The following ADARB2 variants were observed in gnomAD, a reference collection of about 807,000 sequenced individuals.
ADARB2 encodes adenosine deaminase RNA specific B2 (inactive).
In ADARB2, 25 loss-of-function variants were observed where a neutral mutation model predicts 62.2. The observed-to-expected ratio is 0.40, with a 90% confidence interval of 0.29 to 0.56. The LOEUF (loss-of-function observed/expected upper bound fraction) is 0.56, where lower values mean the gene tolerates loss of function less well. ADARB2 is among the 20% of genes least tolerant of loss of function. The pLI is 0.43. For synonymous variants in ADARB2, 572 were observed against 500.8 expected (o/e 1.14, Z -1.90); for missense variants, 1,071 against 1,077.4 (o/e 0.99, Z 0.08).
At chr10:1,280,757 C>T (rs1002605676) in intron 3 of ADARB2, among the ~76,000 whole-genome samples, 2 of 151,284 alleles carry the variant, frequency 1.3e-5, no homozygotes, top group Non-Finnish European at 3.0e-5. Flanking sequence ...CCGTGAAATT[C>T]CTAAGTGACG....
intron 1 of ADARB2, among the ~76,000 whole-genome samples, chr10:1,672,199 G>C (rs150743192): frequency 2.0e-5 from 3 of 152,208 alleles, no homozygotes; most frequent in African/African-American, 4.8e-5. Flanking sequence ...CTGTCTCCAC[G>C]GGCACTGCCA....
At chr10:1,265,895 G>C (rs1385720960) in intron 4 of ADARB2, among the ~76,000 whole-genome samples, 42 of 58,100 alleles carry the variant, frequency 7.2e-4, no homozygotes, top group African/African-American at 1.2e-3. Flanking sequence ...GGGGCCCAGG[G>C]TCCCCCGGAA....
chr10:1,505,737 C>T (rs577576596), intron 1 of ADARB2, among the ~76,000 whole-genome samples: 1 of 150,100 alleles, frequency 6.7e-6, no homozygotes, highest in Non-Finnish European at 1.5e-5. Flanking sequence ...TTCTGCCACT[C>T]CCGTCCCCAC....
intron 1 of ADARB2, among the ~76,000 whole-genome samples, chr10:1,662,605 G>A (rs998914829): frequency 9.2e-5 from 14 of 152,196 alleles, no homozygotes; most frequent in Admixed American, 7.2e-4. Context: ...ACTAGAGCGA[G>A]TTTATTTCCT....
intron 6 of ADARB2, among the ~76,000 whole-genome samples, chr10:1,226,577 G>C (rs1025490711): frequency 1.3e-5 from 2 of 152,210 alleles, no homozygotes; most frequent in Admixed American, 6.5e-5. Context: ...GTGATGTACA[G>C]ATGGGTTTTT....
chr10:1,242,654 G>A (rs907062680), intron 4 of ADARB2, among the ~76,000 whole-genome samples: 1 of 152,200 alleles, frequency 6.6e-6, no homozygotes, highest in Non-Finnish European at 1.5e-5. Flanking sequence ...AGTGGGAGCA[G>A]TGCTAGCTGC....
In ADARB2 at chr10:1,387,012, G is replaced by A. The variant is rs542323566; in HGVS notation, c.101-7852C>T. ...CAGAAATTAAGTATCACCATTGTAA[G>A]TGACCCAAGAGTTAAAAGAGAAATC... On this transcript the variant is annotated intron_variant, in intron 1 of 9. Transcript: ENST00000381312. Among the ~76,000 whole-genome samples the A allele has an allele frequency of 3.3e-5, 5 of 152,002 alleles. No homozygotes were observed. In the East Asian group the frequency reaches 7.7e-4, roughly 23 times the overall value.
At chr10:1,405,094 G>T (rs1450059238) in intron 1 of ADARB2, among the ~76,000 whole-genome samples, 3 of 152,164 alleles carry the variant, frequency 2.0e-5, no homozygotes, top group Non-Finnish European at 2.9e-5. Context: ...TCATGCGGGG[G>T]CCCAGCTGAC....
At chr10:1,208,628 C>A (rs977829543) in intron 7 of ADARB2, among the ~76,000 whole-genome samples, 1 of 152,232 alleles carries the variant, frequency 6.6e-6, no homozygotes, top group Non-Finnish European at 1.5e-5. Flanking sequence ...TGGCCTGGAC[C>A]CCCAGTGGGC....
At chr10:1,389,665 C>A (rs1345923745) in intron 1 of ADARB2, among the ~76,000 whole-genome samples, 1 of 151,932 alleles carries the variant, frequency 6.6e-6, no homozygotes, top group Non-Finnish European at 1.5e-5. Context: ...ATCGATTGAA[C>A]CGGGGAGGCA....
intron 1 of ADARB2, among the ~76,000 whole-genome samples, chr10:1,583,508 A>T (rs575741272): frequency 1.6e-4 from 24 of 152,310 alleles, no homozygotes; most frequent in African/African-American, 5.5e-4. Flanking sequence ...GCCCACCCCC[A>T]AGTCAGATGC....
chr10:1,475,677 A>C (rs1831390466), intron 1 of ADARB2, among the ~76,000 whole-genome samples: 1 of 152,348 alleles, frequency 6.6e-6, no homozygotes, highest in Non-Finnish European at 1.5e-5. Context: ...GCCAGACCTT[A>C]TTATGAGAAT....
At chr10:1,323,160 G>A (rs572427525) in intron 3 of ADARB2, among the ~76,000 whole-genome samples, 1 of 151,636 alleles carries the variant, frequency 6.6e-6, no homozygotes, top group East Asian at 1.9e-4. Flanking sequence ...AACTGCATCT[G>A]AATCTGAGGA....
At chr10:1,302,388 G>C (rs1015127802) in intron 3 of ADARB2, among the ~76,000 whole-genome samples, 1 of 152,210 alleles carries the variant, frequency 6.6e-6, no homozygotes, top group Admixed American at 6.5e-5. Flanking sequence ...ACCCCACGGA[G>C]TCTCGCTGAT....
chr10:1,329,347 G>C (rs1831906399), intron 3 of ADARB2, among the ~76,000 whole-genome samples: 2 of 152,202 alleles, frequency 1.3e-5, no homozygotes, highest in Admixed American at 1.3e-4. Flanking sequence ...ATTCTTAAGA[G>C]TTTAAATGAT....
intron 1 of ADARB2, among the ~76,000 whole-genome samples, chr10:1,612,435 A>T (rs1236178274): frequency 6.6e-6 from 1 of 152,258 alleles, no homozygotes. Context: ...AGAAAGCAGC[A>T]GGTGGTCATG....
intron 1 of ADARB2, among the ~76,000 whole-genome samples, chr10:1,550,305 C>G (rs1832597876): frequency 6.6e-6 from 1 of 152,220 alleles, no homozygotes; most frequent in Non-Finnish European, 1.5e-5. Flanking sequence ...CCTGGAAGTG[C>G]TAACCTCAAA....
intron 1 of ADARB2, among the ~76,000 whole-genome samples, chr10:1,498,375 C>CAAATAAATAAATAAAT (rs146551454): frequency 2.0e-5 from 3 of 147,168 alleles, no homozygotes; most frequent in African/African-American, 5.0e-5. Context: ...AACTCTGTCT[C>CAAATAAATAAATAAAT]AAATAAATAA....
At chr10:1,620,757 G>A (rs1833695040) in intron 1 of ADARB2, among the ~76,000 whole-genome samples, 2 of 152,214 alleles carry the variant, frequency 1.3e-5, no homozygotes. Context: ...TGAAAAGGGT[G>A]TATGTAAAGA....
Sources: allele counts gnomAD v4.1 joint callset (sites outside exome capture counted in the v4.1 genomes callset), GRCh38; gene constraint gnomAD v4.1.1; transcripts MANE v1.5; gene names NCBI Gene and HGNC (gene_info 2026-07-23, HGNC 2026-07-21).